PRKAG2: variants seen among roughly 807,000 people sequenced by gnomAD.
PRKAG2 encodes the protein 5'-AMP-activated protein kinase subunit gamma-2.
In PRKAG2, 26 loss-of-function variants were observed where a neutral mutation model predicts 69.6. The ratio of observed to expected loss-of-function variants is 0.37; its 90% confidence interval spans 0.27 to 0.52. The LOEUF (loss-of-function observed/expected upper bound fraction) is 0.52, where lower values mean the gene tolerates loss of function less well. PRKAG2 is among the 20% of genes least tolerant of loss of function. PRKAG2 has a pLI of 0.90. For missense variants in PRKAG2, 557 were observed against 740.0 expected, an observed-to-expected ratio of 0.75 and a Z score of 2.87; for synonymous variants, 293 against 285.0, an observed-to-expected ratio of 1.03 and a Z score of -0.28.
chr7:151,793,541 G>A (rs80211409), intron 1 of PRKAG2, among the ~76,000 whole-genome samples: 4,983 of 152,318 alleles, frequency 0.033, 114 homozygotes, highest in Non-Finnish European at 0.043. Flanking sequence ...CTACAGGCCC[G>A]AGGCCCGCGG....
At chr7:151,659,373 C>T (rs1375969183) in intron 4 of PRKAG2, among the ~76,000 whole-genome samples, 3 of 152,180 alleles carry the variant, frequency 2.0e-5, no homozygotes, top group Non-Finnish European at 4.4e-5. Flanking sequence ...GTCCACCACT[C>T]CCATTTAAGT....
At chr7:151,866,848 C>T (rs1357471295) in intron 1 of PRKAG2, among the ~76,000 whole-genome samples, 1 of 151,920 alleles carries the variant, frequency 6.6e-6, no homozygotes, top group African/African-American at 2.4e-5. Context: ...GCTGTCCTCC[C>T]ACCCCCACCC....
At chr7:151,815,869 G>A (rs1205848580) in intron 1 of PRKAG2, among the ~76,000 whole-genome samples, 1 of 152,168 alleles carries the variant, frequency 6.6e-6, no homozygotes, top group African/African-American at 2.4e-5. Context: ...AGCAGTGGAG[G>A]AATTGCTTCC....
chr7:151,675,096 G>T (rs2151475401), intron 4 of PRKAG2: 1 of 363,704 alleles, frequency 2.7e-6, no homozygotes, highest in Non-Finnish European at 5.4e-6. Flanking sequence ...AATTTTTGCA[G>T]TTTTGGTAGA....
rs1351365701 is a variant in PRKAG2, at chr7:151,781,465, C to T, written c.187-34G>A. On this transcript the variant is annotated intron_variant, in intron 2 of 15. Coordinates refer to ENST00000287878, the MANE Select transcript of PRKAG2 (RefSeq NM_016203.4). This position sits in a 1 kb window ranked among gnomAD's most constrained non-coding sequence, Gnocchi z 6.1. Reference sequence around the variant, plus strand: ...AAACAGACGAATGGATGCAGTCACTCCACGCTCTGGACACGCTGCCTCCTG... The same window carrying T: ...AAACAGACGAATGGATGCAGTCACTTCACGCTCTGGACACGCTGCCTCCTG... The T allele has an allele frequency of 1.3e-6, 2 of 1,577,392 alleles. No homozygotes were observed. Among genetic ancestry groups the T allele is most frequent in the Admixed American group, 3.7e-5 (2 of 54,590 alleles).
rs71198738 is a variant in PRKAG2, at chr7:151,872,285, TG to T, written c.114+4221del. 1.4e-4 allele frequency among the ~76,000 whole-genome samples: 21 copies of T among 151,584 alleles called. No homozygotes were observed. In the South Asian group the frequency reaches 2.5e-3, roughly 18 times the overall value. ...AGTTCAGGCCCTCGGACCCTTACCC[TG>T]GGGGGGGGCTTTTGCCAAAGTACTT... On this transcript the variant is annotated intron_variant, in intron 1 of 15. Coordinates refer to ENST00000287878, the MANE Select transcript of PRKAG2 (RefSeq NM_016203.4).
chr7:151,594,971 T>C (rs937575583), intron 6 of PRKAG2, among the ~76,000 whole-genome samples: 1 of 152,122 alleles, frequency 6.6e-6, no homozygotes, highest in Non-Finnish European at 1.5e-5. Context: ...GTTAATTTTG[T>C]ATTTTTAGTA....
Position 151,876,709 on chromosome 7 carries a change from G to A in PRKAG2, c.-89C>T. The A allele has an allele frequency of 2.3e-6, 3 of 1,298,026 alleles. No individual in the cohort carries two copies. Among genetic ancestry groups the A allele is most frequent in the Admixed American group, 3.7e-5 (2 of 53,752 alleles). The allele number at this position is 1,298,026 out of a possible 1,614,324, so 80.4% of individuals were successfully genotyped here. ...CGGCCGCTGCCTTCGGACTGGAGCC[G>A]CGCGCTCTGTTACACCCTGAAGCCA... On this transcript the variant is annotated 5_prime_UTR_variant, in exon 1 of 16. Coordinates refer to ENST00000287878, the MANE Select transcript of PRKAG2 (RefSeq NM_016203.4).
intron 12 of PRKAG2, 44 bp from the exon 13 acceptor site, chr7:151,565,427 A>G (rs759412101): frequency 8.0e-7 from 1 of 1,249,094 alleles, no homozygotes; most frequent in South Asian, 1.4e-5. Flanking sequence ...TTAAGGGACA[A>G]AAAGAAATTC....
At chr7:151,729,703 T>G (rs1302179618) in intron 3 of PRKAG2, among the ~76,000 whole-genome samples, 1 of 152,124 alleles carries the variant, frequency 6.6e-6, no homozygotes, top group East Asian at 1.9e-4. Flanking sequence ...CCTGTGGCTC[T>G]GCCTGCTGCC....
rs1225728006 is a variant in PRKAG2 at position 151,632,318 on chromosome 7, C to G, written c.685-180G>C. ...AGCGGGAGCGCTGCCCCCACCCGCC[C>G]GAGGCCGCCGCCGCCGCCGCAGGTG... On this transcript the variant is annotated intron_variant, in intron 4 of 15. Transcript: ENST00000287878. The surrounding 1 kb of genome is among the most constrained non-coding windows in gnomAD (Gnocchi z 4.2). 14 of 827,812 alleles carry G rather than the reference C, an allele frequency of 1.7e-5. No individual in the cohort carries two copies. The highest frequency in any genetic ancestry group is 2.0e-5 in the Non-Finnish European group (14 of 689,160). 51.3% of individuals were successfully genotyped at this position (827,812 alleles called of 1,614,324 possible). A position where few individuals can be genotyped will look rare whatever the true frequency, so the allele number is the denominator to read the frequency against.
intron 1 of PRKAG2, among the ~76,000 whole-genome samples, chr7:151,832,275 G>A (rs1210572803): frequency 6.8e-6 from 1 of 146,892 alleles, no homozygotes; most frequent in African/African-American, 2.6e-5. Context: ...AAGGGAGGAG[G>A]GAAGGAAGGG....
At chr7:151,665,435 C>T (rs771208040) in intron 4 of PRKAG2, among the ~76,000 whole-genome samples, 3 of 152,202 alleles carry the variant, frequency 2.0e-5, no homozygotes, top group South Asian at 4.1e-4. Context: ...TCTCTCTCTG[C>T]CTTCTTTCTG....
At chr7:151,648,161 A>G (rs1282682257) in intron 4 of PRKAG2, among the ~76,000 whole-genome samples, 2 of 152,098 alleles carry the variant, frequency 1.3e-5, no homozygotes, top group Non-Finnish European at 2.9e-5. Context: ...AGAATGACAG[A>G]GATTTTTGAT....
chr7:151,827,760 A>AAACAAC (rs1447657093), intron 1 of PRKAG2, among the ~76,000 whole-genome samples: 52 of 149,756 alleles, frequency 3.5e-4, no homozygotes, highest in Admixed American at 2.0e-3. Context: ...AAAAAAAAAA[A>AAACAAC]AAAAAAAAAA....
chr7:151,649,284 C>T (rs1305877515), intron 4 of PRKAG2, among the ~76,000 whole-genome samples: 1 of 152,138 alleles, frequency 6.6e-6, no homozygotes, highest in African/African-American at 2.4e-5. Flanking sequence ...TACCACCACA[C>T]CTGGCTAAGT....
rs1305782404 is a variant in PRKAG2, at chr7:151,800,642, G to A, written c.115-14101C>T. 3.3e-5 allele frequency among the ~76,000 whole-genome samples: 5 copies of A among 152,298 alleles called. No homozygotes were observed. The South Asian group carries it at 8.3e-4, about 25-fold the overall frequency. On this transcript the variant is annotated intron_variant, in intron 1 of 15. Coordinates refer to ENST00000287878, the MANE Select transcript of PRKAG2 (RefSeq NM_016203.4). ...GACAGAGGCAGGACAACCACCAAAGGATGTGATGGCAGCCAGGGCTTGGGT... is the reference window on the plus strand; with the variant it reads ...GACAGAGGCAGGACAACCACCAAAGAATGTGATGGCAGCCAGGGCTTGGGT...
rs146975187 is a variant in PRKAG2 at position 151,806,949 on chromosome 7, A to G, written c.115-20408T>C. 348 of 452,730 alleles carry G rather than the reference A, an allele frequency of 7.7e-4. 2 individuals carry two copies. The highest frequency in any genetic ancestry group is 5.8e-3 in the African/African-American group (287 of 49,830). 28.0% of individuals were successfully genotyped at this position (452,730 alleles called of 1,614,324 possible). ...CCATTGCACTCCAGCCTGGGGAAAA[A>G]AAAAAGCCAGGCCTCCTAATGTACT... On this transcript the variant is annotated intron_variant, in intron 1 of 15. Coordinates refer to ENST00000287878, the MANE Select transcript of PRKAG2 (RefSeq NM_016203.4).
intron 3 of PRKAG2, among the ~76,000 whole-genome samples, chr7:151,727,959 A>C (rs1365604684): frequency 6.6e-6 from 1 of 152,116 alleles, no homozygotes; most frequent in Non-Finnish European, 1.5e-5. Flanking sequence ...TCTTAGCCTC[A>C]GGGCCCTGGG....
Sources: allele counts gnomAD v4.1 joint callset (sites outside exome capture counted in the v4.1 genomes callset), GRCh38; gene constraint gnomAD v4.1.1; non-coding constraint Gnocchi (gnomAD v3.1); transcripts MANE v1.5; gene names NCBI Gene and HGNC (gene_info 2026-07-23, HGNC 2026-07-21).